WDR72: variants seen among roughly 807,000 people sequenced by gnomAD.
WDR72 encodes the protein WD repeat domain 72, also known as WD repeat-containing protein 72.
A neutral mutation model predicts 124.2 loss-of-function variants in WDR72; 120 were observed. The ratio of observed to expected loss-of-function variants is 0.97; its 90% confidence interval spans 0.83 to 1.12. WDR72 has a LOEUF of 1.12. WDR72 is among the 50% of genes most tolerant of loss of function. WDR72 has a pLI of 0.00. For missense variants in WDR72, 1,387 were observed against 1,278.8 expected (o/e 1.08, Z -1.29); for synonymous variants, 452 against 441.7 (o/e 1.02, Z -0.29).
At chr15:53,689,465 A>G (rs903646262) in intron 13 of WDR72, among the ~76,000 whole-genome samples, 28 of 149,442 alleles carry the variant, frequency 1.9e-4, no homozygotes, top group Non-Finnish European at 1.5e-5. Context: ...ACATGAAAAA[A>G]TGCTCATCAT....
intron 14 of WDR72, among the ~76,000 whole-genome samples, chr15:53,658,452 T>C (rs529979198): frequency 1.3e-5 from 2 of 152,232 alleles, no homozygotes; most frequent in East Asian, 3.9e-4. Context: ...CCAGCAAGAC[T>C]CTGCTTTAGG....
chr15:53,748,124 A>T (rs1392999369), intron 1 of WDR72, among the ~76,000 whole-genome samples: 1 of 152,186 alleles, frequency 6.6e-6, no homozygotes, highest in Non-Finnish European at 1.5e-5. Flanking sequence ...CACAAAGAAC[A>T]GAAAAACACC....
chr15:53,660,252 TAAAG>T (rs1361166909), intron 14 of WDR72, among the ~76,000 whole-genome samples: 2 of 152,024 alleles, frequency 1.3e-5, no homozygotes, highest in East Asian at 1.9e-4. Context: ...AATATTAAAA[TAAAG>T]ATAGTTTAAT....
intron 15 of WDR72, 50 bp downstream of exon 15, chr15:53,615,376 A>G (rs1365559792): frequency 5.7e-6 from 8 of 1,403,674 alleles, no homozygotes; most frequent in Non-Finnish European, 7.9e-6. Context: ...AATGATATAT[A>G]TTTTTAATGT....
intron 18 of WDR72, among the ~76,000 whole-genome samples, chr15:53,541,561 C>A (rs1400762659): frequency 1.3e-5 from 2 of 151,798 alleles, no homozygotes; most frequent in Non-Finnish European, 2.9e-5. Flanking sequence ...AACAGAAAAA[C>A]TGGATACTCT....
At chr15:53,640,281 A>G (rs2014797716) in intron 14 of WDR72, among the ~76,000 whole-genome samples, 1 of 152,152 alleles carries the variant, frequency 6.6e-6, no homozygotes, top group Non-Finnish European at 1.5e-5. Context: ...TCAAAAGTCA[A>G]CTTGTTCTAT....
At chr15:53,716,458 A>G (rs1441582188) in intron 4 of WDR72, 149 bp downstream of exon 4, 2 of 677,722 alleles carry the variant, frequency 3.0e-6, no homozygotes, top group Non-Finnish European at 5.4e-6. Flanking sequence ...AAAACAGCAG[A>G]CAATTACTGG....
At chr15:53,652,887 C>T (rs1595821196) in intron 14 of WDR72, among the ~76,000 whole-genome samples, 1 of 152,130 alleles carries the variant, frequency 6.6e-6, no homozygotes, top group Non-Finnish European at 1.5e-5. Flanking sequence ...GCTGGGCATA[C>T]TAAGTTTTAT....
intron 14 of WDR72, among the ~76,000 whole-genome samples, chr15:53,617,339 T>A (rs561991085): frequency 6.6e-6 from 1 of 151,716 alleles, no homozygotes; most frequent in Non-Finnish European, 1.5e-5. Flanking sequence ...TAACAATAGT[T>A]AACATTTAAT....
At chr15:53,583,542 C>T (rs1317763083) in intron 18 of WDR72, among the ~76,000 whole-genome samples, 1 of 151,908 alleles carries the variant, frequency 6.6e-6, no homozygotes, top group Non-Finnish European at 1.5e-5. Context: ...CTGGAGACCT[C>T]TTGATATTTT....
At chr15:53,649,344 C>G (rs1411209905) in intron 14 of WDR72, among the ~76,000 whole-genome samples, 1 of 152,048 alleles carries the variant, frequency 6.6e-6, no homozygotes, top group Non-Finnish European at 1.5e-5. Flanking sequence ...ATTGCCAACC[C>G]CTGGCTTATT....
intron 1 of WDR72, among the ~76,000 whole-genome samples, chr15:53,749,797 T>C (rs1157903843): frequency 1.3e-5 from 2 of 152,284 alleles, no homozygotes; most frequent in East Asian, 3.9e-4. Flanking sequence ...GAGAAAGTTT[T>C]AATGATCAGG....
rs9920123 is a variant in WDR72, at chr15:53,540,700, G to A, written c.3149-17378C>T. Among the ~76,000 whole-genome samples the A allele has an allele frequency of 7.3e-3, 1,109 of 152,280 alleles. 16 individuals carry two copies. The highest frequency in any genetic ancestry group is 0.026 in the African/African-American group (1,080 of 41,558). ...AGCTCCCAGCGTGAGCGACGCAGAA[G>A]ACGGGTGATTTCTGCACTTCCATCT... On this transcript the variant is annotated intron_variant, in intron 18 of 19. Transcript: ENST00000360509.
chr15:53,717,084 A>G (rs561932624), intron 3 of WDR72, among the ~76,000 whole-genome samples: 7 of 152,278 alleles, frequency 4.6e-5, no homozygotes, highest in Non-Finnish European at 1.0e-4. Context: ...TCTGAGGCCA[A>G]TGTATCATTT....
Position 53,597,098 on chromosome 15 carries a change from T to C in WDR72, c.3129A>G (p.Arg1043=), listed in dbSNP as rs759398430. 1 of 1,613,800 alleles carries C rather than the reference T, an allele frequency of 6.2e-7. No individual in the cohort carries two copies. Among genetic ancestry groups the C allele is most frequent in the Non-Finnish European group, 8.5e-7 (1 of 1,179,846 alleles). The part of the protein sequence containing the change: ...WTEELELQCV[R]NTLPLQTPVS... ...ACTTACTTTGCAGAGGCAAAGTGTT[T>C]CTAACACACTGTAACTCTAGTTCTT... Residue 1043 remains arginine (R), a synonymous_variant, in exon 18 of 20, where the codon AGA becomes AGG. Transcript: ENST00000360509.
At chr15:53,726,236 G>C (rs2018026634) in intron 2 of WDR72, among the ~76,000 whole-genome samples, 1 of 125,260 alleles carries the variant, frequency 8.0e-6, no homozygotes, top group African/African-American at 3.3e-5. Context: ...ATATATATAT[G>C]TATGTGTGTA....
chr15:53,626,588 C>G lies in WDR72; in HGVS notation c.1963-10345G>C, dbSNP rs148711303. On this transcript the variant is annotated intron_variant, in intron 14 of 19. Coordinates refer to ENST00000360509, the MANE Select transcript of WDR72 (RefSeq NM_182758.4). ...GAGTTCCCATACAAAGGGAGAGGAC[C>G]CAAAGGGGGTTGCAGTTGCTGGGCT... is the stretch of plus-strand genomic sequence containing the variant. Among the ~76,000 whole-genome samples, 293 of 152,288 alleles carry G rather than the reference C, an allele frequency of 1.9e-3. 1 individual carries two copies. Among genetic ancestry groups the G allele is most frequent in the African/African-American group, 6.8e-3 (284 of 41,562 alleles).
chr15:53,568,119 A>G (rs1196421282), intron 18 of WDR72, among the ~76,000 whole-genome samples: 1 of 148,572 alleles, frequency 6.7e-6, no homozygotes, highest in African/African-American at 2.5e-5. Context: ...ATTTCTAAGT[A>G]TTAGTCAATG....
At chr15:53,658,629 TGGCAATATACAATA>T (rs2015509022) in intron 14 of WDR72, among the ~76,000 whole-genome samples, 1 of 152,130 alleles carries the variant, frequency 6.6e-6, no homozygotes, top group African/African-American at 2.4e-5. Flanking sequence ...ATAATTGGGC[TGGCAATATACAATA>T]GGCACACAAT....
Sources: gnomAD v4.1 joint callset for allele counts (sites outside exome capture counted in the v4.1 genomes callset) on GRCh38, gnomAD v4.1.1 for gene constraint, MANE v1.5 for transcripts, NCBI Gene and HGNC (gene_info 2026-07-23, HGNC 2026-07-21) for gene names.